TRABD2B: variants seen among roughly 807,000 people sequenced by gnomAD.
The protein encoded by TRABD2B is metalloprotease TIKI2.
A neutral mutation model predicts 40.1 loss-of-function variants in TRABD2B; 14 were observed. That is an observed-to-expected ratio of 0.35 (90% CI 0.23 to 0.55). The LOEUF (loss-of-function observed/expected upper bound fraction) is 0.55, where lower values mean the gene tolerates loss of function less well. TRABD2B is among the 20% of genes least tolerant of loss of function. TRABD2B has a pLI of 0.90. For missense variants in TRABD2B, 541 were observed against 648.6 expected (o/e 0.83, Z 1.80); for synonymous variants, 263 against 277.0 (o/e 0.95, Z 0.50).
At chr1:47,936,729 A>C (rs1645111227) in intron 2 of TRABD2B, among the ~76,000 whole-genome samples, 1 of 152,214 alleles carries the variant, frequency 6.6e-6, no homozygotes, top group Non-Finnish European at 1.5e-5. Flanking sequence ...CAAGTTAATC[A>C]TTCAATGCTT....
intron 4 of TRABD2B, among the ~76,000 whole-genome samples, chr1:47,787,494 T>A (rs953237259): frequency 5.3e-5 from 8 of 152,140 alleles, no homozygotes; most frequent in African/African-American, 1.9e-4. Flanking sequence ...CCCTACCTAA[T>A]CATCTTGCCG....
chr1:47,869,827 A>G (rs1265738474), intron 2 of TRABD2B, among the ~76,000 whole-genome samples: 1 of 152,202 alleles, frequency 6.6e-6, no homozygotes, highest in Non-Finnish European at 1.5e-5. Flanking sequence ...TCAAAAGCAA[A>G]GAACATTTGG....
At chr1:47,775,702 A>G (rs1354707875) in intron 5 of TRABD2B, among the ~76,000 whole-genome samples, 1 of 152,250 alleles carries the variant, frequency 6.6e-6, no homozygotes, top group East Asian at 1.9e-4. Flanking sequence ...GGTAGGTATC[A>G]GCATGATGGA....
chr1:47,876,733 G>T (rs1644230601), intron 2 of TRABD2B, among the ~76,000 whole-genome samples: 1 of 152,182 alleles, frequency 6.6e-6, no homozygotes, highest in African/African-American at 2.4e-5. Context: ...AGTGAGTGCT[G>T]CCCCACTCAG....
intron 2 of TRABD2B, among the ~76,000 whole-genome samples, chr1:47,978,062 A>T (rs1040416684): frequency 6.6e-6 from 1 of 152,014 alleles, no homozygotes; most frequent in Non-Finnish European, 1.5e-5. Flanking sequence ...CCCAACCCCC[A>T]AATTTATACG....
rs1644260552 is a variant in TRABD2B at position 47,762,993 on chromosome 1, A to G, written c.*2909T>C. ...CATCTTTCCTGCCTGCCTCACAGTC[A>G]AACAGAAAAGTCTAAGAAGTGCACA... is the stretch of plus-strand genomic sequence containing the variant. On this transcript the variant is annotated 3_prime_UTR_variant, in exon 7 of 7. Transcript: ENST00000606738. 1 of 152,256 alleles carries G rather than the reference A, an allele frequency of 6.6e-6. No individual in the cohort carries two copies. Among genetic ancestry groups the G allele is most frequent in the Admixed American group, 6.5e-5 (1 of 15,286 alleles). 9.4% of individuals were successfully genotyped at this position (152,256 alleles called of 1,614,324 possible). A position where few individuals can be genotyped will look rare whatever the true frequency, so the allele number is the denominator to read the frequency against.
intron 2 of TRABD2B, among the ~76,000 whole-genome samples, chr1:47,900,133 A>G (rs1263685945): frequency 6.6e-6 from 1 of 152,114 alleles, no homozygotes; most frequent in Non-Finnish European, 1.5e-5. Flanking sequence ...TCGGCTTCCC[A>G]GAGAACTCAC....
intron 2 of TRABD2B, among the ~76,000 whole-genome samples, chr1:47,979,819 G>C (rs17103991): frequency 6.6e-6 from 1 of 152,054 alleles, no homozygotes; most frequent in East Asian, 1.9e-4. Flanking sequence ...TCACCAGATC[G>C]CTTTCACCAC....
At chr1:47,782,406 A>C (rs1436205156) in intron 4 of TRABD2B, among the ~76,000 whole-genome samples, 1 of 152,148 alleles carries the variant, frequency 6.6e-6, no homozygotes, top group Non-Finnish European at 1.5e-5. Flanking sequence ...CCCAGAGCTG[A>C]CTTTGTCAGA....
chr1:47,994,725 G>A lies in TRABD2B; in HGVS notation c.103-128C>T. On this transcript the variant is annotated intron_variant, in intron 1 of 6. Transcript: ENST00000606738. The surrounding 1 kb of genome is among the most constrained non-coding windows in gnomAD (Gnocchi z 6.7). ...GAGACCATACACAGGCCGTGGTAAA[G>A]AGCCAGGTCTTTGGAGCCTGAAAGA... The A allele has an allele frequency of 1.2e-6, 1 of 819,958 alleles. No homozygotes were observed. Among genetic ancestry groups the A allele is most frequent in the Non-Finnish European group, 1.9e-6 (1 of 537,020 alleles). 50.8% of individuals were successfully genotyped at this position (819,958 alleles called of 1,614,324 possible).
At chr1:47,768,023 G>A (rs987466520) in intron 6 of TRABD2B, among the ~76,000 whole-genome samples, 9 of 152,228 alleles carry the variant, frequency 5.9e-5, no homozygotes, top group African/African-American at 1.4e-4. Context: ...CTCCACATGG[G>A]CTCTTGGCTT....
At chr1:47,907,491 G>T (rs1410140506) in intron 2 of TRABD2B, among the ~76,000 whole-genome samples, 1 of 152,164 alleles carries the variant, frequency 6.6e-6, no homozygotes, top group Non-Finnish European at 1.5e-5. Flanking sequence ...CCACTTAATA[G>T]ATGAGGAAAC....
intron 2 of TRABD2B, among the ~76,000 whole-genome samples, chr1:47,805,906 G>A (rs978605670): frequency 1.3e-5 from 2 of 152,122 alleles, no homozygotes; most frequent in African/African-American, 4.8e-5. Flanking sequence ...TTTGGGCCAG[G>A]CCTGGAATGT....
At chr1:47,989,382 C>G (rs1013871269) in intron 2 of TRABD2B, among the ~76,000 whole-genome samples, 1 of 152,088 alleles carries the variant, frequency 6.6e-6, no homozygotes, top group African/African-American at 2.4e-5. Context: ...ATGGTCACAT[C>G]ATGATTTTTG....
At chr1:47,972,645 A>G (rs985534030) in intron 2 of TRABD2B, among the ~76,000 whole-genome samples, 6 of 152,130 alleles carry the variant, frequency 3.9e-5, no homozygotes, top group African/African-American at 1.4e-4. Context: ...AGCCTCTAGA[A>G]CTGTGAGAAT....
At chr1:47,960,202 A>G (rs1452913813) in intron 2 of TRABD2B, among the ~76,000 whole-genome samples, 1 of 152,224 alleles carries the variant, frequency 6.6e-6, no homozygotes, top group East Asian at 1.9e-4. Context: ...CTAGGTATTG[A>G]TGGGACGTAT....
At chr1:47,986,863 G>A (rs1486793970) in intron 2 of TRABD2B, among the ~76,000 whole-genome samples, 1 of 152,172 alleles carries the variant, frequency 6.6e-6, no homozygotes, top group Non-Finnish European at 1.5e-5. Context: ...CTTGGCAGCC[G>A]CTGAACAGAA....
chr1:47,782,538 T>C (rs988950828), intron 4 of TRABD2B, among the ~76,000 whole-genome samples: 1 of 152,182 alleles, frequency 6.6e-6, no homozygotes, highest in African/African-American at 2.4e-5. Flanking sequence ...TTTGTGAATG[T>C]GTGTTGAATG....
rs559639445 is a variant in TRABD2B at position 47,763,780 on chromosome 1, C to A, written c.*2122G>T. ...GGCCTGTGTGCTTCTAATTCCTTTA[C>A]ACTTATCTCATCCAAATAGTGCACT... On this transcript the variant is annotated 3_prime_UTR_variant, in exon 7 of 7. Transcript: ENST00000606738. 1 of 152,254 alleles carries A rather than the reference C, an allele frequency of 6.6e-6. No homozygotes were observed. The highest frequency in any genetic ancestry group is 1.5e-5 in the Non-Finnish European group (1 of 68,050). The allele number at this position is 152,254 out of a possible 1,614,324, so 9.4% of individuals were successfully genotyped here.
Sources: allele counts gnomAD v4.1 joint callset (sites outside exome capture counted in the v4.1 genomes callset), GRCh38; gene constraint gnomAD v4.1.1; non-coding constraint Gnocchi (gnomAD v3.1); transcripts MANE v1.5; gene names NCBI Gene and HGNC (gene_info 2026-07-23, HGNC 2026-07-21).